Variants in KCNT2 observed in about 807,000 individuals in gnomAD.
KCNT2 encodes potassium channel subfamily T member 2.
In KCNT2, 67 loss-of-function variants were observed where a neutral mutation model predicts 153.8. That is an observed-to-expected ratio of 0.44 (90% CI 0.36 to 0.53). The LOEUF is 0.53. Ranked by LOEUF, KCNT2 falls within the 20% of genes least tolerant of loss-of-function variation. KCNT2 has a pLI of 0.00. For synonymous variants in KCNT2, 500 were observed against 458.8 expected, an observed-to-expected ratio of 1.09 and a Z score of -1.15; for missense variants, 975 against 1,354.8, an observed-to-expected ratio of 0.72 and a Z score of 4.40.
chr1:196,386,743 C>A (rs1448658972), intron 13 of KCNT2, among the ~76,000 whole-genome samples: 1 of 151,952 alleles, frequency 6.6e-6, no homozygotes, highest in Non-Finnish European at 1.5e-5. Flanking sequence ...GCAGAGTTAG[C>A]GTTCTCAAGA....
chr1:196,283,054 TG>T (rs1483279512), intron 23 of KCNT2, among the ~76,000 whole-genome samples: 1 of 152,162 alleles, frequency 6.6e-6, no homozygotes, highest in Non-Finnish European at 1.5e-5. Flanking sequence ...ATGTTGGCCA[TG>T]CTGGTCTAGA....
chr1:196,496,417 G>A (rs1266445291), intron 1 of KCNT2, among the ~76,000 whole-genome samples: 2 of 150,134 alleles, frequency 1.3e-5, no homozygotes, highest in East Asian at 2.0e-4. Context: ...GCAGTGAGCC[G>A]AGATCGTGCC....
chr1:196,548,450 A>G (rs1377902163), intron 1 of KCNT2, among the ~76,000 whole-genome samples: 1 of 152,106 alleles, frequency 6.6e-6, no homozygotes, highest in Non-Finnish European at 1.5e-5. Context: ...CAAAACCACA[A>G]TGAGATATCA....
intron 18 of KCNT2, among the ~76,000 whole-genome samples, chr1:196,329,638 T>C (rs1216964581): frequency 6.6e-6 from 1 of 151,386 alleles, no homozygotes; most frequent in African/African-American, 2.4e-5. Context: ...ATATTATAAA[T>C]AATATTAGTC....
chr1:196,380,063 A>G (rs1669344112), intron 13 of KCNT2, among the ~76,000 whole-genome samples: 2 of 152,332 alleles, frequency 1.3e-5, no homozygotes, highest in Non-Finnish European at 2.9e-5. Flanking sequence ...ATTGTTATTC[A>G]ATTAAAAACA....
intron 25 of KCNT2, among the ~76,000 whole-genome samples, chr1:196,271,481 A>C (rs575938336): frequency 1.9e-4 from 29 of 152,134 alleles, no homozygotes; most frequent in African/African-American, 6.7e-4. Flanking sequence ...AAGTCAAATA[A>C]ATTGGATGCA....
At chr1:196,465,476 C>A in intron 7 of KCNT2, 89 bp from the exon 8 acceptor site, 1 of 761,316 alleles carries the variant, frequency 1.3e-6, no homozygotes, top group Non-Finnish European at 2.4e-6. Flanking sequence ...CATTTCATGT[C>A]AACTCTCCTG....
chr1:196,391,427 T>G (rs1035114869), intron 13 of KCNT2, among the ~76,000 whole-genome samples: 1 of 151,416 alleles, frequency 6.6e-6, no homozygotes. Flanking sequence ...ACCATAGGCA[T>G]AGGATATGAT....
chr1:196,599,968 T>C (rs187231243), intron 1 of KCNT2, among the ~76,000 whole-genome samples: 7 of 152,344 alleles, frequency 4.6e-5, no homozygotes, highest in Admixed American at 2.6e-4. Flanking sequence ...ATAAGTCTAA[T>C]ATCACTGAAC....
At chr1:196,553,401 TA>T (rs1198779986) in intron 1 of KCNT2, among the ~76,000 whole-genome samples, 3 of 151,008 alleles carry the variant, frequency 2.0e-5, no homozygotes, top group Non-Finnish European at 4.5e-5. Flanking sequence ...GGCAAAATAT[TA>T]CTCCCAGAAA....
chr1:196,524,733 T>C (rs1653949148), intron 1 of KCNT2, among the ~76,000 whole-genome samples: 1 of 152,196 alleles, frequency 6.6e-6, no homozygotes, highest in African/African-American at 2.4e-5. Flanking sequence ...GATAGTGGTG[T>C]TATTAAATGT....
intron 12 of KCNT2, among the ~76,000 whole-genome samples, chr1:196,408,230 G>A (rs1484250240): frequency 6.6e-6 from 1 of 151,328 alleles, no homozygotes; most frequent in Non-Finnish European, 1.5e-5. Context: ...TGTTAAAATG[G>A]ACGAAAGTTT....
chr1:196,425,584 G>A (rs1338008094), intron 11 of KCNT2, among the ~76,000 whole-genome samples: 3 of 151,880 alleles, frequency 2.0e-5, no homozygotes, highest in Admixed American at 6.6e-5. Flanking sequence ...TAATTATTCT[G>A]GGCCACTTTT....
intron 25 of KCNT2, among the ~76,000 whole-genome samples, chr1:196,266,885 T>C (rs1221732936): frequency 2.0e-5 from 3 of 152,206 alleles, no homozygotes; most frequent in African/African-American, 7.2e-5. Flanking sequence ...ACAAATATGT[T>C]CTATTAAGTG....
intron 1 of KCNT2, among the ~76,000 whole-genome samples, chr1:196,506,425 A>C (rs1681150516): frequency 6.6e-6 from 1 of 152,180 alleles, no homozygotes; most frequent in Non-Finnish European, 1.5e-5. Flanking sequence ...TCCTACAATA[A>C]TCATTTACTT....
intron 8 of KCNT2, 97 bp from the exon 9 acceptor site, chr1:196,429,854 C>T (rs765473230): frequency 1.3e-5 from 10 of 749,412 alleles, no homozygotes; most frequent in South Asian, 2.1e-5. Flanking sequence ...TTTCATAAAG[C>T]CATTTAATAG....
At chr1:196,522,860 A>G (rs964037651) in intron 1 of KCNT2, among the ~76,000 whole-genome samples, 14 of 152,206 alleles carry the variant, frequency 9.2e-5, no homozygotes, top group African/African-American at 3.4e-4. Context: ...AAATGGACCA[A>G]TCAGCACTCT....
At chr1:196,503,281 C>T (rs144121839) in intron 1 of KCNT2, among the ~76,000 whole-genome samples, 45 of 152,124 alleles carry the variant, frequency 3.0e-4, no homozygotes, top group South Asian at 1.5e-3. Context: ...AATATAATTA[C>T]GTACCTAAGT....
At chr1:196,496,169 T>G (rs1056308022) in intron 1 of KCNT2, among the ~76,000 whole-genome samples, 1 of 152,088 alleles carries the variant, frequency 6.6e-6, no homozygotes, top group Admixed American at 6.6e-5. Context: ...CTTTGCGACT[T>G]TAAGAGAAAT....
Sources: gnomAD v4.1 joint callset for allele counts (sites outside exome capture counted in the v4.1 genomes callset) on GRCh38, gnomAD v4.1.1 for gene constraint, MANE v1.5 for transcripts, NCBI Gene and HGNC (gene_info 2026-07-23, HGNC 2026-07-21) for gene names.